Variants in ADCY8 observed in about 807,000 individuals in gnomAD.
ADCY8 encodes the protein adenylate cyclase 8, also known as adenylate cyclase type 8.
ADCY8 carries 51 observed loss-of-function variants against 119.7 expected under a neutral mutation model. That is an observed-to-expected ratio of 0.43 (90% CI 0.34 to 0.54). ADCY8 has a LOEUF of 0.54. ADCY8 is among the 20% of genes least tolerant of loss of function. ADCY8 has a pLI of 0.03. For missense variants in ADCY8, 1,383 were observed against 1,598.8 expected, an observed-to-expected ratio of 0.87 and a Z score of 2.30; for synonymous variants, 665 against 651.0, an observed-to-expected ratio of 1.02 and a Z score of -0.33.
chr8:131,019,843 GTCTCTC>G (rs71306306), intron 1 of ADCY8, among the ~76,000 whole-genome samples: 52 of 86,932 alleles, frequency 6.0e-4, no homozygotes, highest in South Asian at 1.5e-3. Context: ...CTCTCTGTCT[GTCTCTC>G]TCTCTCTCTC....
At chr8:130,946,456 C>A (rs1011384027) in intron 3 of ADCY8, among the ~76,000 whole-genome samples, 1 of 152,168 alleles carries the variant, frequency 6.6e-6, no homozygotes, top group Non-Finnish European at 1.5e-5. Context: ...CTGTTAAAAT[C>A]TGACTTGTCC....
chr8:130,829,194 C>T (rs1448681069), intron 12 of ADCY8, among the ~76,000 whole-genome samples: 1 of 152,164 alleles, frequency 6.6e-6, no homozygotes, highest in African/African-American at 2.4e-5. Context: ...TCTGGGTAGG[C>T]AAGCTGATCC....
intron 6 of ADCY8, among the ~76,000 whole-genome samples, chr8:130,906,392 C>A (rs1050696265): frequency 6.6e-6 from 1 of 152,178 alleles, no homozygotes; most frequent in Admixed American, 6.5e-5. Context: ...CCCCTTTTAG[C>A]ATTTCTCTGG....
intron 2 of ADCY8, among the ~76,000 whole-genome samples, chr8:130,979,008 T>A (rs1822157373): frequency 6.6e-6 from 1 of 152,092 alleles, no homozygotes; most frequent in Admixed American, 6.6e-5. Flanking sequence ...GAAATAGAAC[T>A]TAGGTCTAAT....
chr8:130,876,410 C>T (rs1818566730), intron 8 of ADCY8, among the ~76,000 whole-genome samples: 1 of 152,124 alleles, frequency 6.6e-6, no homozygotes, highest in East Asian at 1.9e-4. Flanking sequence ...CATCTTGTCA[C>T]AAAACTACCT....
chr8:130,802,056 G>A (rs1338544915), intron 14 of ADCY8, among the ~76,000 whole-genome samples: 3 of 151,984 alleles, frequency 2.0e-5, no homozygotes, highest in Non-Finnish European at 4.4e-5. Flanking sequence ...CCTGTGTTAA[G>A]GTTAGTTATC....
chr8:131,018,157 A>G (rs190403859), intron 1 of ADCY8, among the ~76,000 whole-genome samples: 9 of 152,276 alleles, frequency 5.9e-5, no homozygotes, highest in East Asian at 5.8e-4. Flanking sequence ...TAATGACTCA[A>G]TGTAGTTCTG....
intron 14 of ADCY8, among the ~76,000 whole-genome samples, chr8:130,811,761 T>G (rs1816174263): frequency 6.6e-6 from 1 of 152,194 alleles, no homozygotes; most frequent in Non-Finnish European, 1.5e-5. Flanking sequence ...GATCTAACTG[T>G]GTTAGGAGGA....
At chr8:130,895,158 A>G (rs1246094407) in intron 7 of ADCY8, among the ~76,000 whole-genome samples, 2 of 152,152 alleles carry the variant, frequency 1.3e-5, no homozygotes, top group Non-Finnish European at 2.9e-5. Context: ...ATCTTCTCAT[A>G]TTTAAAATAT....
chr8:130,915,139 T>C (rs1213645517), intron 5 of ADCY8, among the ~76,000 whole-genome samples: 3 of 152,228 alleles, frequency 2.0e-5, no homozygotes, highest in African/African-American at 7.2e-5. Context: ...CACGTAATTA[T>C]CATTATTATT....
intron 1 of ADCY8, among the ~76,000 whole-genome samples, chr8:131,006,615 G>T (rs1296197242): frequency 6.6e-6 from 1 of 152,096 alleles, no homozygotes; most frequent in East Asian, 1.9e-4. Context: ...GAAATCTTAG[G>T]AAGCTTACAT....
In ADCY8 at chr8:130,916,615, T is replaced by G. The variant is rs546651176; in HGVS notation, c.1482-6749A>C. 2.6e-5 allele frequency among the ~76,000 whole-genome samples: 4 copies of G among 152,258 alleles called. No homozygotes were observed. The South Asian group carries it at 8.3e-4, about 32-fold the overall frequency. Reference sequence around the variant, plus strand: ...TGGCCATAACGCACAAGCTGGAAGATTGTGGGTTTACGGGAATGAGGGCAA... The same window carrying G: ...TGGCCATAACGCACAAGCTGGAAGAGTGTGGGTTTACGGGAATGAGGGCAA... On this transcript the variant is annotated intron_variant, in intron 5 of 17. Transcript: ENST00000286355.
chr8:130,846,033 CAGGTGCTCT>C (rs1174278681), intron 11 of ADCY8, among the ~76,000 whole-genome samples: 3 of 152,128 alleles, frequency 2.0e-5, no homozygotes, highest in Admixed American at 6.5e-5. Flanking sequence ...GCATATCAAG[CAGGTGCTCT>C]ATGCAAATGG....
At chr8:130,791,616 G>A (rs905581500) in intron 15 of ADCY8, among the ~76,000 whole-genome samples, 2 of 152,252 alleles carry the variant, frequency 1.3e-5, no homozygotes, top group East Asian at 3.9e-4. Context: ...AGGCTGCACA[G>A]GGCACAGCTT....
chr8:130,993,569 A>T (rs1241904758), intron 1 of ADCY8, among the ~76,000 whole-genome samples: 1 of 152,202 alleles, frequency 6.6e-6, no homozygotes, highest in Non-Finnish European at 1.5e-5. Context: ...GATAAAATTA[A>T]ATCATGGCTA....
In ADCY8 at chr8:130,904,838, C is replaced by A. The variant is rs1309692292; in HGVS notation, c.1641-796G>T. On this transcript the variant is annotated intron_variant, in intron 6 of 17. Coordinates refer to ENST00000286355, the MANE Select transcript of ADCY8 (RefSeq NM_001115.3). ...TCATGGAAATTTCACATGGTAAATT[C>A]TTCTGGGGAAGAGTTTTTCTGTCCT... Among the ~76,000 whole-genome samples the A allele has an allele frequency of 2.0e-5, 3 of 152,172 alleles. No homozygotes were observed. In the East Asian group the frequency reaches 5.8e-4, roughly 29 times the overall value.
At chr8:130,855,232 C>T (rs1390690850) in intron 9 of ADCY8, among the ~76,000 whole-genome samples, 23 of 151,502 alleles carry the variant, frequency 1.5e-4, no homozygotes, top group African/African-American at 5.1e-4. Context: ...AGAAGAAATG[C>T]GAGTGAAAAG....
intron 15 of ADCY8, among the ~76,000 whole-genome samples, 162 bp downstream of exon 15, chr8:130,800,264 A>C (rs929738362): frequency 1.1e-4 from 17 of 151,978 alleles, no homozygotes; most frequent in African/African-American, 3.9e-4. Flanking sequence ...CTCAGGTGAT[A>C]ATTGTGATAA....
At chr8:130,845,375 G>GT (rs1343133953) in intron 11 of ADCY8, among the ~76,000 whole-genome samples, 1 of 152,126 alleles carries the variant, frequency 6.6e-6, no homozygotes, top group Non-Finnish European at 1.5e-5. Context: ...AGAACACATT[G>GT]TTTAACTCCA....
Sources: allele counts gnomAD v4.1 joint callset (sites outside exome capture counted in the v4.1 genomes callset), GRCh38; gene constraint gnomAD v4.1.1; transcripts MANE v1.5; gene names NCBI Gene and HGNC (gene_info 2026-07-23, HGNC 2026-07-21).